The following SOX6 variants were observed in gnomAD, a reference collection of about 807,000 sequenced individuals.
SOX6 encodes the protein SRY-box transcription factor 6, also known as transcription factor SOX-6.
A neutral mutation model predicts 97.8 loss-of-function variants in SOX6; 11 were observed. The ratio of observed to expected loss-of-function variants is 0.11; its 90% confidence interval spans 0.07 to 0.19. SOX6 has a LOEUF of 0.19. Ranked by LOEUF, SOX6 falls within the 10% of genes least tolerant of loss-of-function variation. The pLI is 1.00. For synonymous variants in SOX6, 360 were observed against 371.4 expected, an observed-to-expected ratio of 0.97 and a Z score of 0.35; for missense variants, 810 against 1,039.5, an observed-to-expected ratio of 0.78 and a Z score of 3.04.
chr11:16,606,581 AC>A, intron 4 of SOX6, among the ~76,000 whole-genome samples: 1 of 152,288 alleles, frequency 6.6e-6, no homozygotes, highest in East Asian at 1.9e-4. Context: ...TCTCTAAGCC[AC>A]CTGACTTCTT....
At chr11:16,511,060 GA>G in intron 4 of SOX6, among the ~76,000 whole-genome samples, 1 of 152,094 alleles carries the variant, frequency 6.6e-6, no homozygotes, top group Non-Finnish European at 1.5e-5. Context: ...AGTTTCCAAG[GA>G]AATATATATA....
chr11:16,383,862 A>G (rs1174408918), intron 1 of SOX6, among the ~76,000 whole-genome samples: 3 of 151,966 alleles, frequency 2.0e-5, no homozygotes, highest in Non-Finnish European at 4.4e-5. Flanking sequence ...AGGCAAAAAC[A>G]CTAATTACAG....
chr11:16,517,160 CTATTGATGG>C (rs1860987498), intron 4 of SOX6, among the ~76,000 whole-genome samples: 1 of 151,586 alleles, frequency 6.6e-6, no homozygotes, highest in Non-Finnish European at 1.5e-5. Flanking sequence ...AATAAATTAG[CTATTGATGG>C]GATGTATTTC....
intron 1 of SOX6, among the ~76,000 whole-genome samples, chr11:16,413,663 G>A (rs1165887266): frequency 6.6e-6 from 1 of 151,572 alleles, no homozygotes; most frequent in East Asian, 1.9e-4. Context: ...TGGGATTACA[G>A]GCACCTGCCA....
intron 3 of SOX6, among the ~76,000 whole-genome samples, chr11:16,240,219 A>G (rs1242497928): frequency 1.3e-5 from 2 of 151,872 alleles, no homozygotes; most frequent in African/African-American, 2.4e-5. Context: ...TCATTAAATC[A>G]GATATATTCC....
At chr11:16,085,284 T>G (rs533973115) in intron 9 of SOX6, among the ~76,000 whole-genome samples, 19 of 152,108 alleles carry the variant, frequency 1.2e-4, no homozygotes, top group Non-Finnish European at 2.2e-4. Flanking sequence ...GGGCACATGC[T>G]CCATTCCAGT....
At chr11:16,368,048 T>G (rs297325) in intron 1 of SOX6, among the ~76,000 whole-genome samples, 4 of 152,010 alleles carry the variant, frequency 2.6e-5, no homozygotes, top group Admixed American at 6.6e-5. Flanking sequence ...GCGGCTTCCA[T>G]GAACCTATTG....
chr11:16,691,413 T>A (rs747904862), intron 3 of SOX6, among the ~76,000 whole-genome samples: 2 of 152,178 alleles, frequency 1.3e-5, no homozygotes, highest in Non-Finnish European at 1.5e-5. Context: ...AATCAAAGCA[T>A]CAAAGAGAAA....
chr11:16,286,695 C>T (rs941045889), intron 3 of SOX6, among the ~76,000 whole-genome samples: 5 of 151,934 alleles, frequency 3.3e-5, no homozygotes, highest in Non-Finnish European at 5.9e-5. Flanking sequence ...GTGCCCTTTG[C>T]CTATTTTCTA....
chr11:16,097,831 G>A, intron 7 of SOX6, 143 bp from the exon 8 acceptor site: 1 of 791,406 alleles, frequency 1.3e-6, no homozygotes. Flanking sequence ...GCTTAGTTGG[G>A]CACAGACTTG....
intron 3 of SOX6, among the ~76,000 whole-genome samples, chr11:16,654,590 C>G (rs1247495825): frequency 6.6e-6 from 1 of 152,156 alleles, no homozygotes; most frequent in Non-Finnish European, 1.5e-5. Flanking sequence ...GCACTCAGCC[C>G]TGTCATCACT....
chr11:16,438,560 G>A (rs1859434041), intron 1 of SOX6, among the ~76,000 whole-genome samples: 1 of 152,120 alleles, frequency 6.6e-6, no homozygotes, highest in African/African-American at 2.4e-5. Flanking sequence ...TTTGAAGAAT[G>A]TTAGGAATAC....
At chr11:16,393,417 T>C (rs1399468792) in intron 1 of SOX6, among the ~76,000 whole-genome samples, 1 of 151,676 alleles carries the variant, frequency 6.6e-6, no homozygotes, top group East Asian at 1.9e-4. Flanking sequence ...AAAAAAAATA[T>C]CCCTCTACCT....
chr11:16,147,219 G>A (rs947153647), intron 6 of SOX6, among the ~76,000 whole-genome samples: 1 of 151,948 alleles, frequency 6.6e-6, no homozygotes, highest in African/African-American at 2.4e-5. Flanking sequence ...GGATGAAGCT[G>A]GAAACTATCA....
intron 4 of SOX6, among the ~76,000 whole-genome samples, chr11:16,216,211 C>T (rs777185834): frequency 6.6e-5 from 10 of 152,262 alleles, no homozygotes; most frequent in East Asian, 5.8e-4. Context: ...TTTTTGTCAG[C>T]GCTTTCTCTC....
At chr11:16,068,908 C>G (rs16924860) in intron 9 of SOX6, among the ~76,000 whole-genome samples, 2 of 152,058 alleles carry the variant, frequency 1.3e-5, no homozygotes, top group Admixed American at 1.3e-4. Flanking sequence ...TAGGGGAAAC[C>G]CTGAGGCTTA....
At chr11:16,609,155 A>G (rs1848369345) in intron 4 of SOX6, among the ~76,000 whole-genome samples, 2 of 152,324 alleles carry the variant, frequency 1.3e-5, no homozygotes, top group South Asian at 4.1e-4. Context: ...CAGGTAGTAG[A>G]GATGCAGAAT....
intron 1 of SOX6, among the ~76,000 whole-genome samples, chr11:16,352,250 TGATG>T (rs3030887): frequency 0.51 from 74,873 of 147,266 alleles, 19,082 homozygotes; most frequent in African/African-American, 0.58. Flanking sequence ...AATGGGCAGA[TGATG>T]GATGGATGGA....
chr11:16,580,486 G>C (rs117760142), intron 4 of SOX6, among the ~76,000 whole-genome samples: 1 of 151,468 alleles, frequency 6.6e-6, no homozygotes, highest in African/African-American at 2.4e-5. Flanking sequence ...CCTCTTTCTC[G>C]GAAAATACTT....
Sources: allele counts gnomAD v4.1 joint callset (sites outside exome capture counted in the v4.1 genomes callset), GRCh38; gene constraint gnomAD v4.1.1; transcripts MANE v1.5; gene names NCBI Gene and HGNC (gene_info 2026-07-23, HGNC 2026-07-21).